MGAT4C: variants seen among roughly 807,000 people sequenced by gnomAD.
MGAT4C encodes MGAT4 family member C.
MGAT4C carries 19 observed loss-of-function variants against 40.1 expected under a neutral mutation model. The observed-to-expected ratio is 0.47, with a 90% CI of 0.33 to 0.70. The LOEUF is 0.70. Ranked by LOEUF, MGAT4C falls within the 30% of genes least tolerant of loss-of-function variation. MGAT4C has a pLI of 0.02. For synonymous variants in MGAT4C, 181 were observed against 187.1 expected (o/e 0.97, Z 0.27); for missense variants, 491 against 563.2 (o/e 0.87, Z 1.30).
At chr12:86,104,304 G>A (rs1875722697) in intron 1 of MGAT4C, among the ~76,000 whole-genome samples, 1 of 151,576 alleles carries the variant, frequency 6.6e-6, no homozygotes, top group Non-Finnish European at 1.5e-5. Flanking sequence ...GGCGGGCATG[G>A]TGACTCACGC....
chr12:86,380,637 T>C (rs1242362875), intron 3 of MGAT4C, among the ~76,000 whole-genome samples: 1 of 152,114 alleles, frequency 6.6e-6, no homozygotes, highest in Non-Finnish European at 1.5e-5. Context: ...ACATACCTAC[T>C]AAGCCCTTTG....
At chr12:86,652,529 G>A in intron 2 of MGAT4C, among the ~76,000 whole-genome samples, 1 of 151,960 alleles carries the variant, frequency 6.6e-6, no homozygotes, top group South Asian at 2.1e-4. Flanking sequence ...CCTGATTCTA[G>A]CTGGGCAAAT....
At chr12:86,109,264 G>A (rs1243444212) in intron 1 of MGAT4C, among the ~76,000 whole-genome samples, 2 of 152,030 alleles carry the variant, frequency 1.3e-5, no homozygotes, top group Non-Finnish European at 2.9e-5. Context: ...AAATTAATAG[G>A]TCTCCTCTTT....
chr12:86,700,181 A>T (rs1288629645), intron 2 of MGAT4C, among the ~76,000 whole-genome samples: 1 of 116,722 alleles, frequency 8.6e-6, no homozygotes, highest in Non-Finnish European at 1.8e-5. Context: ...AGACAGACAG[A>T]TAGATAGATA....
chr12:86,250,043 A>T (rs1442848673), intron 1 of MGAT4C, among the ~76,000 whole-genome samples: 4 of 152,096 alleles, frequency 2.6e-5, no homozygotes, highest in Admixed American at 2.6e-4. Flanking sequence ...GCATGCCATA[A>T]GTGCTCAGTA....
intron 1 of MGAT4C, among the ~76,000 whole-genome samples, chr12:86,817,101 G>T (rs1444858682): frequency 1.3e-5 from 2 of 149,722 alleles, no homozygotes; most frequent in Non-Finnish European, 1.5e-5. Context: ...TAATTTTCAA[G>T]CATTCTTATT....
chr12:86,615,972 A>G (rs1426583140), intron 2 of MGAT4C, among the ~76,000 whole-genome samples: 2 of 152,094 alleles, frequency 1.3e-5, no homozygotes, highest in Admixed American at 1.3e-4. Context: ...ATTTAGCTTG[A>G]TCTTTTAAGC....
At chr12:86,625,145 A>G (rs1233873380) in intron 2 of MGAT4C, among the ~76,000 whole-genome samples, 1 of 152,050 alleles carries the variant, frequency 6.6e-6, no homozygotes, top group Non-Finnish European at 1.5e-5. Context: ...GGCTTTTTAA[A>G]GGGGCTCTTC....
chr12:86,187,526 T>C (rs1888894770), intron 1 of MGAT4C, among the ~76,000 whole-genome samples: 1 of 148,072 alleles, frequency 6.8e-6, no homozygotes, highest in South Asian at 2.1e-4. Flanking sequence ...ATAATAGTTT[T>C]TAGATTTGCC....
At chr12:86,177,705 GA>G (rs1201392478) in intron 1 of MGAT4C, among the ~76,000 whole-genome samples, 5 of 151,900 alleles carry the variant, frequency 3.3e-5, no homozygotes, top group African/African-American at 1.2e-4. Context: ...AGGGATTTGT[GA>G]AAACAAATCC....
At chr12:86,591,055 G>T (rs1203100461) in intron 2 of MGAT4C, among the ~76,000 whole-genome samples, 1 of 151,926 alleles carries the variant, frequency 6.6e-6, no homozygotes, top group Non-Finnish European at 1.5e-5. Context: ...ATTAGTAGCT[G>T]TGCATAATCC....
At chr12:86,443,071 T>G (rs925320148) in intron 2 of MGAT4C, among the ~76,000 whole-genome samples, 5 of 152,188 alleles carry the variant, frequency 3.3e-5, no homozygotes, top group Admixed American at 6.5e-5. Flanking sequence ...TAATATGCAC[T>G]GGGAAACAAC....
chr12:86,330,692 G>C (rs948850379), intron 4 of MGAT4C, among the ~76,000 whole-genome samples: 1 of 152,134 alleles, frequency 6.6e-6, no homozygotes. Flanking sequence ...ATTTCATTCA[G>C]TCAACAAAAT....
At chr12:86,564,176 G>A (rs1959986876) in intron 2 of MGAT4C, among the ~76,000 whole-genome samples, 1 of 152,184 alleles carries the variant, frequency 6.6e-6, no homozygotes, top group Non-Finnish European at 1.5e-5. Context: ...GAGAATGACA[G>A]TGGATTATAG....
At chr12:86,643,546 G>T (rs955656703) in intron 2 of MGAT4C, among the ~76,000 whole-genome samples, 8 of 151,604 alleles carry the variant, frequency 5.3e-5, no homozygotes, top group Non-Finnish European at 1.2e-4. Flanking sequence ...CTACAACATA[G>T]GTGAATCTTG....
intron 2 of MGAT4C, among the ~76,000 whole-genome samples, chr12:86,614,492 A>G (rs1411043404): frequency 1.3e-5 from 2 of 152,174 alleles, no homozygotes; most frequent in African/African-American, 4.8e-5. Context: ...TCTTAGTTAT[A>G]TATCATTTAG....
intron 1 of MGAT4C, among the ~76,000 whole-genome samples, chr12:86,201,217 A>G (rs1950036770): frequency 6.6e-6 from 1 of 152,128 alleles, no homozygotes; most frequent in Non-Finnish European, 1.5e-5. Flanking sequence ...CTCTGCATGT[A>G]TGCATGACCC....
chr12:86,411,545 A>T (rs1956604763), intron 3 of MGAT4C, among the ~76,000 whole-genome samples: 1 of 152,220 alleles, frequency 6.6e-6, no homozygotes, highest in Non-Finnish European at 1.5e-5. Context: ...AAAACATTCA[A>T]GATATATCCT....
intron 2 of MGAT4C, among the ~76,000 whole-genome samples, chr12:86,012,978 A>G (rs1334997030): frequency 6.6e-6 from 1 of 152,074 alleles, no homozygotes; most frequent in Non-Finnish European, 1.5e-5. Flanking sequence ...AAAAAAAAAA[A>G]AAATTAGCCA....
Sources: allele counts gnomAD v4.1 joint callset (sites outside exome capture counted in the v4.1 genomes callset), GRCh38; gene constraint gnomAD v4.1.1; transcripts MANE v1.5; gene names NCBI Gene and HGNC (gene_info 2026-07-23, HGNC 2026-07-21).